Variants in FAM227B observed in about 807,000 individuals in gnomAD.
FAM227B encodes the protein protein FAM227B.
A neutral mutation model predicts 73.8 loss-of-function variants in FAM227B; 88 were observed. The observed-to-expected ratio is 1.19, with a 90% CI of 1.00 to 1.42. The LOEUF (loss-of-function observed/expected upper bound fraction) is 1.42, where lower values mean the gene tolerates loss of function less well. Among genes scored for constraint, FAM227B ranks in the 40% most tolerant of loss-of-function variants. The pLI, the probability that FAM227B is intolerant of heterozygous loss-of-function variation, is 0.00. For missense variants in FAM227B, 632 were observed against 590.9 expected (o/e 1.07, Z -0.72); for synonymous variants, 210 against 190.5 (o/e 1.10, Z -0.84).
intron 11 of FAM227B, among the ~76,000 whole-genome samples, chr15:49,502,084 C>G (rs886578948): frequency 6.6e-6 from 1 of 152,184 alleles, no homozygotes; most frequent in African/African-American, 2.4e-5. Flanking sequence ...TATGAAAAAG[C>G]CTGGTTGCCC....
intron 14 of FAM227B, among the ~76,000 whole-genome samples, chr15:49,334,643 C>T (rs1436218874): frequency 1.4e-4 from 21 of 151,988 alleles, no homozygotes; most frequent in Admixed American, 6.6e-5. Context: ...GGGCAGGAGA[C>T]GGGAATGGGG....
intron 8 of FAM227B, among the ~76,000 whole-genome samples, chr15:49,570,360 A>T (rs1296655365): frequency 6.6e-6 from 1 of 151,902 alleles, no homozygotes; most frequent in Non-Finnish European, 1.5e-5. Flanking sequence ...GTGTGAGATG[A>T]CATCCCATGG....
intron 13 of FAM227B, among the ~76,000 whole-genome samples, chr15:49,348,338 A>T (rs912465500): frequency 6.6e-6 from 1 of 152,192 alleles, no homozygotes; most frequent in Non-Finnish European, 1.5e-5. Context: ...CAAGTTCCCT[A>T]GCTCTCTGCT....
intron 5 of FAM227B, among the ~76,000 whole-genome samples, chr15:49,585,084 GA>G (rs2076066969): frequency 6.6e-6 from 1 of 152,070 alleles, no homozygotes; most frequent in Admixed American, 6.5e-5. Context: ...AAAAACACAT[GA>G]AAAAATGCTC....
At chr15:49,581,161 A>G (rs184373206) in intron 5 of FAM227B, among the ~76,000 whole-genome samples, 233 of 152,266 alleles carry the variant, frequency 1.5e-3, no homozygotes, top group African/African-American at 5.3e-3. Context: ...GACCATCCAC[A>G]AGACACATAG....
chr15:49,545,980 T>C lies in FAM227B; in HGVS notation c.748-4174A>G, dbSNP rs577228216. Among the ~76,000 whole-genome samples, 78 of 151,726 alleles carry C rather than the reference T, an allele frequency of 5.1e-4. 1 individual carries two copies. The Middle Eastern group carries it at 0.014, about 26-fold the overall frequency. On this transcript the variant is annotated intron_variant, in intron 9 of 15. Transcript: ENST00000299338. ...TTTTAATTTTATTATTATTATACTTTAAGTTTTAGGGTACATGTGCACAAC... is the reference window on the plus strand; with the variant it reads ...TTTTAATTTTATTATTATTATACTTCAAGTTTTAGGGTACATGTGCACAAC...
intron 10 of FAM227B, among the ~76,000 whole-genome samples, chr15:49,522,977 A>G (rs2059896168): frequency 1.3e-5 from 2 of 152,178 alleles, no homozygotes; most frequent in African/African-American, 4.8e-5. Context: ...ACTAAAGCAT[A>G]CAGTAATCAG....
Position 49,366,717 on chromosome 15 carries a change from C to T in FAM227B, c.1271+731G>A, listed in dbSNP as rs2045266769. ...GTGGGTGGCGGGTGGGGTGGCGCGG[C>T]GCGGCTCACTAGGTGGGGTAGGCTG... On this transcript the variant is annotated intron_variant, in intron 13 of 15. Coordinates refer to ENST00000299338, the MANE Select transcript of FAM227B (RefSeq NM_152647.3). 2.6e-5 allele frequency: 32 copies of T among 1,215,890 alleles called. 1 individual carries two copies. The South Asian group carries it at 3.5e-4, about 13-fold the overall frequency. 75.3% of individuals were successfully genotyped at this position (1,215,890 alleles called of 1,614,324 possible).
chr15:49,587,485 A>G (rs1175222063), intron 5 of FAM227B, among the ~76,000 whole-genome samples: 1 of 152,150 alleles, frequency 6.6e-6, no homozygotes, highest in East Asian at 1.9e-4. Flanking sequence ...ACTGAAAATA[A>G]AAGTTAAATT....
At chr15:49,396,144 G>C (rs1195703543) in intron 11 of FAM227B, 1 of 365,318 alleles carries the variant, frequency 2.7e-6, no homozygotes, top group Non-Finnish European at 5.4e-6. Flanking sequence ...TGTGCTCACC[G>C]TGTGCGAGCC....
At chr15:49,587,161 C>A (rs1011574164) in intron 5 of FAM227B, among the ~76,000 whole-genome samples, 1 of 152,054 alleles carries the variant, frequency 6.6e-6, no homozygotes, top group Non-Finnish European at 1.5e-5. Context: ...TAAGAAACAA[C>A]AAGATCATGT....
chr15:49,601,995 T>C (rs1182193606), intron 3 of FAM227B, among the ~76,000 whole-genome samples: 1 of 152,226 alleles, frequency 6.6e-6, no homozygotes, highest in African/African-American at 2.4e-5. Context: ...TATGGCTGAA[T>C]AGTACTCCAT....
At chr15:49,604,778 T>C (rs531846508) in intron 3 of FAM227B, among the ~76,000 whole-genome samples, 2 of 135,914 alleles carry the variant, frequency 1.5e-5, no homozygotes, top group African/African-American at 7.7e-5. Context: ...TTTCAAATGA[T>C]CTGTTTTTGA....
Position 49,589,542 on chromosome 15 carries a change from TACACACACACACACACAC to T in FAM227B, c.337+216_337+233del, listed in dbSNP as rs35391819. On this transcript the variant is annotated intron_variant, in intron 4 of 15. Coordinates refer to ENST00000299338, the MANE Select transcript of FAM227B (RefSeq NM_152647.3). ...CTTAGAATTTCATTCTTTATGAGAT[TACACACACACACACACAC>T]ACACACACACACACACACACACACA... Among the ~76,000 whole-genome samples, 492 of 139,818 alleles carry T rather than the reference TACACACACACACACACAC, an allele frequency of 3.5e-3. 3 individuals carry two copies. The highest frequency in any genetic ancestry group is 4.3e-3 in the Non-Finnish European group (281 of 64,758). The allele number at this position is 139,818 out of a possible 152,430, so 91.7% of individuals were successfully genotyped here. A position where few individuals can be genotyped will look rare whatever the true frequency, so the allele number is the denominator to read the frequency against.
intron 3 of FAM227B, 50 bp downstream of exon 3, chr15:49,611,165 T>G: frequency 2.7e-6 from 3 of 1,111,056 alleles, no homozygotes; most frequent in Non-Finnish European, 4.1e-6. Context: ...TCTCCATAAC[T>G]GATATTTTAA....
At chr15:49,435,174 C>T (rs1392055603) in intron 11 of FAM227B, among the ~76,000 whole-genome samples, 4 of 151,522 alleles carry the variant, frequency 2.6e-5, no homozygotes, top group Non-Finnish European at 4.4e-5. Flanking sequence ...CTTTTTAATG[C>T]CTTTTCAATC....
chr15:49,337,259 G>A (rs2039877328), intron 13 of FAM227B, among the ~76,000 whole-genome samples: 1 of 152,070 alleles, frequency 6.6e-6, no homozygotes, highest in Non-Finnish European at 1.5e-5. Context: ...AGTTCTTTGA[G>A]AAATCTCAAC....
Position 49,361,580 on chromosome 15 carries a change from T to G in FAM227B, c.1271+5868A>C, listed in dbSNP as rs138876865. ...TATTGCTGCAAAGGACATGATCTTG[T>G]TAGTTTTTATGGCTGCACAGTATTC... On this transcript the variant is annotated intron_variant, in intron 13 of 15. Transcript: ENST00000299338. Among the ~76,000 whole-genome samples the G allele has an allele frequency of 8.4e-4, 128 of 152,312 alleles. 1 individual carries two copies. The highest frequency in any genetic ancestry group is 2.9e-3 in the African/African-American group (122 of 41,574).
At chr15:49,524,421 C>T (rs188582277) in intron 10 of FAM227B, among the ~76,000 whole-genome samples, 69 of 152,302 alleles carry the variant, frequency 4.5e-4, no homozygotes, top group South Asian at 3.5e-3. Context: ...GGTTTGGGAA[C>T]GTCCGCCTAG....
Sources: allele counts gnomAD v4.1 joint callset (sites outside exome capture counted in the v4.1 genomes callset), GRCh38; gene constraint gnomAD v4.1.1; transcripts MANE v1.5; gene names NCBI Gene and HGNC (gene_info 2026-07-23, HGNC 2026-07-21).